CRISPLD1: variants seen among roughly 807,000 people sequenced by gnomAD.
CRISPLD1 encodes the protein cysteine rich secretory protein LCCL domain containing 1, also known as cysteine-rich secretory protein LCCL domain-containing 1.
CRISPLD1 carries 60 observed loss-of-function variants against 77.5 expected under a neutral mutation model. That is an observed-to-expected ratio of 0.77 (90% CI 0.63 to 0.96). The LOEUF (loss-of-function observed/expected upper bound fraction) is 0.96, where lower values mean the gene tolerates loss of function less well. CRISPLD1 is among the 40% of genes least tolerant of loss of function. The probability of loss-of-function intolerance (pLI) is 0.00; values close to 1 mark genes in which losing one functional copy is unlikely to be tolerated. For synonymous variants in CRISPLD1, 195 were observed against 200.1 expected (o/e 0.97, Z 0.22); for missense variants, 623 against 615.8 (o/e 1.01, Z -0.12).
chr8:75,017,542 TAAG>T, intron 10 of CRISPLD1, 92 bp downstream of exon 10: 1 of 1,089,738 alleles, frequency 9.2e-7, no homozygotes, highest in Non-Finnish European at 1.3e-6. Context: ...TAGAATAATT[TAAG>T]AAGAAAGAAT....
intron 2 of CRISPLD1, among the ~76,000 whole-genome samples, chr8:75,011,126 A>G (rs1046616267): frequency 1.4e-5 from 2 of 142,412 alleles, no homozygotes; most frequent in East Asian, 4.0e-4. Flanking sequence ...TTGTATCTTT[A>G]TTATTATTAT....
intron 12 of CRISPLD1, among the ~76,000 whole-genome samples, chr8:75,021,167 A>G (rs1181332388): frequency 6.6e-6 from 1 of 152,228 alleles, no homozygotes. Flanking sequence ...CTTTGGAAAA[A>G]CATCATTACT....
At chr8:75,007,351 G>A (rs968710768) in intron 2 of CRISPLD1, among the ~76,000 whole-genome samples, 12 of 152,114 alleles carry the variant, frequency 7.9e-5, no homozygotes, top group Admixed American at 1.3e-4. Context: ...CTACTGGTAA[G>A]CAATACTGCT....
At chr8:75,030,538 G>A (rs1201670721) in intron 14 of CRISPLD1, among the ~76,000 whole-genome samples, 1 of 152,014 alleles carries the variant, frequency 6.6e-6, no homozygotes, top group Non-Finnish European at 1.5e-5. Context: ...TAAAACGATA[G>A]GTGATATCCT....
intron 12 of CRISPLD1, among the ~76,000 whole-genome samples, chr8:75,025,234 C>A (rs1813210809): frequency 6.6e-6 from 1 of 152,136 alleles, no homozygotes; most frequent in Non-Finnish European, 1.5e-5. Flanking sequence ...TTACTAAATT[C>A]TACAGATACA....
Position 75,033,188 on chromosome 8 carries a change from T to G in CRISPLD1, c.*946T>G, listed in dbSNP as rs1813383468. 1 of 152,436 alleles carries G rather than the reference T, an allele frequency of 6.6e-6. No individual in the cohort carries two copies. The highest frequency in any genetic ancestry group is 6.6e-5 in the Admixed American group (1 of 15,246). 9.4% of individuals were successfully genotyped at this position (152,436 alleles called of 1,614,324 possible). ...TTTCTATGAAAAATGTATTGTGCTT[T>G]GATACTAAAAATCTGTAAAATGTTA... On this transcript the variant is annotated 3_prime_UTR_variant, in exon 15 of 15. Coordinates refer to ENST00000262207, the MANE Select transcript of CRISPLD1 (RefSeq NM_031461.6).
chr8:74,992,428 T>C (rs1812586069), intron 2 of CRISPLD1, among the ~76,000 whole-genome samples: 1 of 152,232 alleles, frequency 6.6e-6, no homozygotes, highest in South Asian at 2.1e-4. Context: ...GATGAGTACT[T>C]ACCCCTTGTT....
intron 2 of CRISPLD1, among the ~76,000 whole-genome samples, chr8:74,990,018 A>G (rs542197585): frequency 3.2e-4 from 48 of 152,282 alleles, no homozygotes; most frequent in African/African-American, 1.0e-3. Flanking sequence ...CAAATCTCCT[A>G]TGTTCTCACT....
chr8:75,011,324 G>T (rs965407666), intron 2 of CRISPLD1, among the ~76,000 whole-genome samples: 1 of 129,486 alleles, frequency 7.7e-6, no homozygotes, highest in Non-Finnish European at 1.5e-5. Context: ...CCCTTCCTGT[G>T]TCCATGTGTT....
At chr8:75,028,827 T>C (rs1813280849) in intron 13 of CRISPLD1, among the ~76,000 whole-genome samples, 1 of 152,154 alleles carries the variant, frequency 6.6e-6, no homozygotes, top group East Asian at 1.9e-4. Flanking sequence ...AGGGTTATTC[T>C]TTTAGGCAAA....
At chr8:75,003,248 A>G (rs1240371718) in intron 2 of CRISPLD1, among the ~76,000 whole-genome samples, 4 of 152,208 alleles carry the variant, frequency 2.6e-5, no homozygotes, top group African/African-American at 9.6e-5. Context: ...TGTTTCTTAT[A>G]TTAGTCATCT....
intron 12 of CRISPLD1, among the ~76,000 whole-genome samples, chr8:75,020,639 C>G (rs1386190839): frequency 6.6e-6 from 1 of 152,176 alleles, no homozygotes; most frequent in Non-Finnish European, 1.5e-5. Context: ...GCCCTGTCTC[C>G]AAGTTAGTCA....
At chr8:75,030,331 C>T (rs1306646154) in intron 14 of CRISPLD1, among the ~76,000 whole-genome samples, 1 of 152,040 alleles carries the variant, frequency 6.6e-6, no homozygotes, top group Non-Finnish European at 1.5e-5. Context: ...TCTGCATTAT[C>T]TGTTTTCATA....
At chr8:75,026,878 A>G (rs184047115) in intron 13 of CRISPLD1, 9 of 152,212 alleles carry the variant, frequency 5.9e-5, no homozygotes, top group African/African-American at 2.2e-4. Flanking sequence ...TGCCACTGAA[A>G]AGTCCTGCTG....
At chr8:74,997,648 T>C (rs1812666686) in intron 2 of CRISPLD1, among the ~76,000 whole-genome samples, 1 of 152,152 alleles carries the variant, frequency 6.6e-6, no homozygotes, top group African/African-American at 2.4e-5. Flanking sequence ...CCGCGGGGCA[T>C]GCAGCTATAT....
Position 75,032,195 on chromosome 8 carries a change from C to A in CRISPLD1, c.1456C>A (p.Gln486Lys). The change falls in exon 15 of 15, where the codon CAG (glutamine) becomes AAG (lysine). Residue 486 changes from glutamine to lysine, a missense_variant. Coordinates refer to ENST00000262207, the MANE Select transcript of CRISPLD1 (RefSeq NM_031461.6). Reference protein sequence around the residue: ...FQNGIFSESLQNPPGGKAFRV... With the variant: ...FQNGIFSESLKNPPGGKAFRV... ...ATATATTTTTTTTTTTTGCAGTTTA[C>A]AGAATCCTCCAGGAGGAAAGGCATT... 6.3e-7 allele frequency: 1 copy of A among 1,597,624 alleles called. No individual in the cohort carries two copies. Among genetic ancestry groups the A allele is most frequent in the Non-Finnish European group, 8.5e-7 (1 of 1,170,040 alleles).
At position 75,019,824 on chromosome 8, in the gene CRISPLD1, G is replaced by A. The variant is rs200331221; in HGVS notation, c.1128-46G>A. 1.5e-5 allele frequency: 22 copies of A among 1,454,428 alleles called. No individual in the cohort carries two copies. The East Asian group carries it at 4.5e-4, about 30-fold the overall frequency. The allele number at this position is 1,454,428 out of a possible 1,614,324, so 90.1% of individuals were successfully genotyped here. A position where few individuals can be genotyped will look rare whatever the true frequency, so the allele number is the denominator to read the frequency against. On this transcript the variant is annotated intron_variant, in intron 10 of 14. Coordinates refer to ENST00000262207, the MANE Select transcript of CRISPLD1 (RefSeq NM_031461.6). ...AGATACCAGAAATGATGCTGCTGCT[G>A]ATGCCTATATGAAAATAATTAACAT...
chr8:75,015,982 A>G (rs1813020801), intron 6 of CRISPLD1, among the ~76,000 whole-genome samples: 1 of 152,144 alleles, frequency 6.6e-6, no homozygotes, highest in Admixed American at 6.6e-5. Context: ...AGCCTTTGAT[A>G]AAGGCCAGTC....
chr8:75,016,797 A>C (rs1813037354), intron 7 of CRISPLD1, 84 bp from the exon 8 acceptor site: 2 of 1,545,488 alleles, frequency 1.3e-6, no homozygotes, highest in Non-Finnish European at 1.8e-6. Flanking sequence ...TTAGAATGGA[A>C]AAAATTTTGT....
Sources: gnomAD v4.1 joint callset for allele counts (sites outside exome capture counted in the v4.1 genomes callset) on GRCh38, gnomAD v4.1.1 for gene constraint, MANE v1.5 for transcripts, NCBI Gene and HGNC (gene_info 2026-07-23, HGNC 2026-07-21) for gene names.